Variants in BNC2 observed in about 807,000 individuals in gnomAD.
BNC2 encodes the protein zinc finger protein basonuclin-2.
BNC2 carries 20 observed loss-of-function variants against 76.3 expected under a neutral mutation model. The ratio of observed to expected loss-of-function variants is 0.26; its 90% CI spans 0.18 to 0.38. The LOEUF is 0.38. Ranked by LOEUF, BNC2 falls within the 10% of genes least tolerant of loss-of-function variation. The probability of loss-of-function intolerance (pLI) is 1.00; values close to 1 mark genes in which losing one functional copy is unlikely to be tolerated. For missense variants in BNC2, 1,382 were observed against 1,399.8 expected (o/e 0.99, Z 0.20); for synonymous variants, 582 against 514.8 (o/e 1.13, Z -1.77).
intron 5 of BNC2, among the ~76,000 whole-genome samples, chr9:16,471,316 T>C (rs1386696654): frequency 6.7e-6 from 1 of 148,652 alleles, no homozygotes; most frequent in Non-Finnish European, 1.5e-5. Flanking sequence ...TTTTTTAAGA[T>C]AGAGTCTCAC....
intron 1 of BNC2, 116 bp from the exon 2 acceptor site, chr9:16,738,601 A>C: frequency 8.5e-7 from 1 of 1,171,798 alleles, no homozygotes; most frequent in Non-Finnish European, 1.2e-6. Context: ...CCAACTAAAC[A>C]CATTTTTTAA....
Position 16,418,193 on chromosome 9 carries a change from T to C in BNC2, c.*796A>G, listed in dbSNP as rs1820625715. Reference sequence around the variant, plus strand: ...AAAGTGCATGACGGGATTTATGTACTAGTACAGGACATTTTAAAAAATCAG... The same window carrying C: ...AAAGTGCATGACGGGATTTATGTACCAGTACAGGACATTTTAAAAAATCAG... On this transcript the variant is annotated 3_prime_UTR_variant, in exon 7 of 7. Coordinates refer to ENST00000380672, the MANE Select transcript of BNC2 (RefSeq NM_017637.6). 1 of 152,634 alleles carries C rather than the reference T, an allele frequency of 6.6e-6. No individual in the cohort carries two copies. Among genetic ancestry groups the C allele is most frequent in the Non-Finnish European group, 1.5e-5 (1 of 68,042 alleles). The allele number at this position is 152,634 out of a possible 1,614,324, so 9.5% of individuals were successfully genotyped here.
chr9:16,614,190 C>T (rs10756768), intron 3 of BNC2, among the ~76,000 whole-genome samples: 132,593 of 152,148 alleles, frequency 0.87, 58,931 homozygotes, highest in East Asian at 0.98. Context: ...AAGCAACAGA[C>T]GTAGGGGTAC....
intron 1 of BNC2, among the ~76,000 whole-genome samples, chr9:16,820,823 A>C (rs552324267): frequency 3.3e-5 from 5 of 152,294 alleles, no homozygotes; most frequent in Admixed American, 3.3e-4. Context: ...AAAAACACTA[A>C]AAGTTTAAAG....
intron 3 of BNC2, among the ~76,000 whole-genome samples, chr9:16,591,845 G>C (rs377264260): frequency 6.6e-6 from 1 of 152,054 alleles, no homozygotes; most frequent in African/African-American, 2.4e-5. Context: ...TCAAAGAAAG[G>C]TCCTTACATT....
At chr9:16,555,447 G>A (rs542508469) in intron 4 of BNC2, among the ~76,000 whole-genome samples, 18 of 152,156 alleles carry the variant, frequency 1.2e-4, no homozygotes, top group Non-Finnish European at 2.1e-4. Flanking sequence ...ACCTGAGACT[G>A]AGGATATTAT....
At chr9:16,607,115 CT>C (rs930314435) in intron 3 of BNC2, among the ~76,000 whole-genome samples, 6 of 141,550 alleles carry the variant, frequency 4.2e-5, no homozygotes, top group Admixed American at 6.7e-5. Flanking sequence ...ACTTGGCTGA[CT>C]TTAAAAAAAA....
chr9:16,629,647 T>A (rs752566950), intron 3 of BNC2, among the ~76,000 whole-genome samples: 2 of 152,190 alleles, frequency 1.3e-5, no homozygotes, highest in Admixed American at 6.5e-5. Context: ...AACCACCACA[T>A]AAACCAAGTC....
At chr9:16,567,587 G>T (rs1474439053) in intron 4 of BNC2, among the ~76,000 whole-genome samples, 2 of 152,124 alleles carry the variant, frequency 1.3e-5, no homozygotes, top group African/African-American at 2.4e-5. Context: ...GAAGGTCACA[G>T]AAATAAGAAC....
intron 6 of BNC2, among the ~76,000 whole-genome samples, chr9:16,430,349 G>A (rs1435269575): frequency 8.5e-5 from 13 of 152,168 alleles, no homozygotes; most frequent in Non-Finnish European, 1.2e-4. Flanking sequence ...ACTTGGAGGG[G>A]ATTACCACAT....
intron 1 of BNC2, among the ~76,000 whole-genome samples, chr9:16,853,592 C>T (rs961152538): frequency 1.3e-5 from 2 of 151,782 alleles, no homozygotes; most frequent in Non-Finnish European, 2.9e-5. Flanking sequence ...TGCAGCTGGG[C>T]GCTGTGGCTC....
At chr9:16,748,780 T>C (rs11787694) in intron 1 of BNC2, among the ~76,000 whole-genome samples, 67,045 of 139,390 alleles carry the variant, frequency 0.48, 20,979 homozygotes, top group Non-Finnish European at 0.69. Context: ...GAGATGGAGA[T>C]TGCAGTGAGC....
chr9:16,680,762 T>C (rs1274448561), intron 3 of BNC2, among the ~76,000 whole-genome samples: 2 of 151,908 alleles, frequency 1.3e-5, no homozygotes, highest in African/African-American at 4.8e-5. Context: ...TCAATACAGA[T>C]TCCAAGCAGA....
intron 1 of BNC2, among the ~76,000 whole-genome samples, chr9:16,803,670 G>A (rs914302204): frequency 2.0e-5 from 3 of 152,208 alleles, no homozygotes; most frequent in South Asian, 2.1e-4. Flanking sequence ...GCCGGTGACA[G>A]CTTTCCAGAT....
At chr9:16,746,649 A>G (rs62541547) in intron 1 of BNC2, among the ~76,000 whole-genome samples, 129,308 of 150,402 alleles carry the variant, frequency 0.86, 55,983 homozygotes, top group Non-Finnish European at 0.91. Flanking sequence ...GCAGGCGTGA[A>G]CAACCGCGCC....
At chr9:16,419,721 T>A in intron 6 of BNC2, 72 bp from the exon 7 acceptor site, 1 of 954,316 alleles carries the variant, frequency 1.0e-6, no homozygotes, top group South Asian at 1.3e-5. Flanking sequence ...GAAAGCATTT[T>A]AAAATTGATT....
chr9:16,436,173 T>G lies in BNC2; in HGVS notation c.2021A>C (p.Asn674Thr), dbSNP rs756094132. 4.3e-6 allele frequency: 7 copies of G among 1,614,096 alleles called. No individual in the cohort carries two copies. The Admixed American group carries it at 1.2e-4, about 27-fold the overall frequency. Residue 674 changes from asparagine (N) to threonine (T), a missense_variant, in exon 6 of 7, where the codon AAT (asparagine) becomes ACT (threonine). By Grantham distance (65) the Asn-to-Thr change is moderately conservative. This residue lies in a region of BNC2 where 798 missense variants were observed against 775.5 expected (regional missense o/e 1.03). Transcript: ENST00000380672. ...GAVVNDMSHD[N>T]HCHSQEEMSP... ...CATCTCCTCTTGGGAGTGACAATGA[T>G]TGTCATGGCTCATGTCATTGACCAC...
intron 1 of BNC2, among the ~76,000 whole-genome samples, chr9:16,790,237 T>C (rs994031388): frequency 6.6e-6 from 1 of 152,176 alleles, no homozygotes; most frequent in Non-Finnish European, 1.5e-5. Context: ...GACCTCGTGA[T>C]CCGCCCGCCT....
rs117396325 is a variant in BNC2, at chr9:16,490,992, A to G, written c.670-53468T>C. Among the ~76,000 whole-genome samples, 83 of 152,294 alleles carry G rather than the reference A, an allele frequency of 5.4e-4. 2 individuals are homozygous for G. The East Asian group carries it at 0.016, about 29-fold the overall frequency. On this transcript the variant is annotated intron_variant, in intron 5 of 6. Transcript: ENST00000380672. Reference sequence around the variant, plus strand: ...TAAGACCTAAGATCCTACAGACCACATGGCTCCATATGAGCAGAGGTGTGG... The same window carrying G: ...TAAGACCTAAGATCCTACAGACCACGTGGCTCCATATGAGCAGAGGTGTGG...
Sources: allele counts gnomAD v4.1 joint callset (sites outside exome capture counted in the v4.1 genomes callset), GRCh38; gene constraint gnomAD v4.1.1; regional missense constraint gnomAD v4.1.1; transcripts MANE v1.5; gene names NCBI Gene and HGNC (gene_info 2026-07-23, HGNC 2026-07-21).